The following TMTC2 variants were observed in gnomAD, a reference collection of about 807,000 sequenced individuals.
TMTC2 encodes transmembrane O-mannosyltransferase targeting cadherins 2.
In TMTC2, 43 loss-of-function variants were observed where a neutral mutation model predicts 82.4. The ratio of observed to expected loss-of-function variants is 0.52; its 90% CI spans 0.41 to 0.67. The LOEUF is 0.67. Among genes scored for constraint, TMTC2 ranks in the 30% least tolerant of loss-of-function variants. The probability of loss-of-function intolerance (pLI) is 0.00; values close to 1 mark genes in which losing one functional copy is unlikely to be tolerated. For synonymous variants in TMTC2, 408 were observed against 381.9 expected, an observed-to-expected ratio of 1.07 and a Z score of -0.80; for missense variants, 919 against 1,012.4, an observed-to-expected ratio of 0.91 and a Z score of 1.25.
At chr12:82,830,164 T>C (rs1869670736) in intron 1 of TMTC2, among the ~76,000 whole-genome samples, 2 of 152,216 alleles carry the variant, frequency 1.3e-5, no homozygotes, top group African/African-American at 4.8e-5. Context: ...TTTGTTTGGA[T>C]TTTAAATGTT....
At chr12:82,784,873 T>C (rs961973902) in intron 1 of TMTC2, among the ~76,000 whole-genome samples, 1 of 144,172 alleles carries the variant, frequency 6.9e-6, no homozygotes, top group African/African-American at 2.4e-5. Flanking sequence ...TTTCCTTGCG[T>C]GTGTGTCTTT....
intron 8 of TMTC2, among the ~76,000 whole-genome samples, chr12:83,010,745 G>A (rs1369035): frequency 0.78 from 119,087 of 152,078 alleles, 47,678 homozygotes; most frequent in South Asian, 0.93. Context: ...ACCGATATTC[G>A]TGAGATATGC....
chr12:82,842,228 T>C (rs1227635626), intron 1 of TMTC2, among the ~76,000 whole-genome samples: 1 of 152,220 alleles, frequency 6.6e-6, no homozygotes, highest in Non-Finnish European at 1.5e-5. Flanking sequence ...TGAAGATAAA[T>C]TGAGATAATA....
intron 1 of TMTC2, among the ~76,000 whole-genome samples, chr12:82,715,924 G>A (rs969356776): frequency 7.2e-5 from 11 of 152,168 alleles, no homozygotes; most frequent in Admixed American, 5.2e-4. Context: ...GACAACAGAA[G>A]CAATTACTTC....
chr12:82,904,988 T>C (rs1457847635), intron 3 of TMTC2, among the ~76,000 whole-genome samples: 1 of 151,730 alleles, frequency 6.6e-6, no homozygotes, highest in Non-Finnish European at 1.5e-5. Flanking sequence ...GTTTCTTTTT[T>C]TTTTTTTTTT....
At chr12:82,960,518 G>A (rs71450914) in intron 4 of TMTC2, among the ~76,000 whole-genome samples, 1 of 151,978 alleles carries the variant, frequency 6.6e-6, no homozygotes, top group African/African-American at 2.4e-5. Context: ...GGAGATTAAT[G>A]CAGGAACAGA....
intron 4 of TMTC2, among the ~76,000 whole-genome samples, chr12:82,955,409 T>C (rs1286817041): frequency 6.6e-6 from 1 of 152,192 alleles, no homozygotes; most frequent in Admixed American, 6.5e-5. Context: ...CCACTGTTAT[T>C]GTGGGTTTGA....
At chr12:83,078,498 A>C (rs1317765579) in intron 11 of TMTC2, among the ~76,000 whole-genome samples, 2 of 152,182 alleles carry the variant, frequency 1.3e-5, no homozygotes, top group African/African-American at 4.8e-5. Context: ...GAGGGAAAAA[A>C]TATGTGCTGC....
At chr12:82,911,215 G>C (rs529266689) in intron 3 of TMTC2, among the ~76,000 whole-genome samples, 1 of 151,926 alleles carries the variant, frequency 6.6e-6, no homozygotes, top group Non-Finnish European at 1.5e-5. Flanking sequence ...GTTTGGGTGT[G>C]GGGGGGCCAG....
intron 10 of TMTC2, among the ~76,000 whole-genome samples, chr12:83,053,620 G>A (rs1882431486): frequency 6.6e-6 from 1 of 152,018 alleles, no homozygotes. Flanking sequence ...CCATCAAGGG[G>A]CAAATCTTTA....
At chr12:82,792,726 C>T (rs1878530106) in intron 1 of TMTC2, among the ~76,000 whole-genome samples, 1 of 152,072 alleles carries the variant, frequency 6.6e-6, no homozygotes, top group African/African-American at 2.4e-5. Context: ...CCACCTTAGC[C>T]TCTCAAAGTG....
chr12:82,920,465 T>G (rs79598083), intron 3 of TMTC2, among the ~76,000 whole-genome samples: 46 of 152,292 alleles, frequency 3.0e-4, no homozygotes, highest in African/African-American at 1.1e-3. Flanking sequence ...CTTCTGCCTT[T>G]CAAAGAACAT....
At chr12:82,877,055 T>C (rs1872618103) in intron 2 of TMTC2, among the ~76,000 whole-genome samples, 1 of 119,592 alleles carries the variant, frequency 8.4e-6, no homozygotes, top group Non-Finnish European at 1.7e-5. Flanking sequence ...CTGTGGTTAC[T>C]AATTTTTTTT....
intron 1 of TMTC2, among the ~76,000 whole-genome samples, chr12:82,778,848 C>CAAAAA (rs56354957): frequency 5.1e-4 from 12 of 23,448 alleles, no homozygotes; most frequent in Admixed American, 1.7e-3. Context: ...GACTCCGTCT[C>CAAAAA]AAAAAAAAAA....
intron 4 of TMTC2, among the ~76,000 whole-genome samples, chr12:82,963,138 A>G (rs949592219): frequency 2.0e-5 from 3 of 152,034 alleles, no homozygotes; most frequent in Admixed American, 6.6e-5. Context: ...GGCATTGGTC[A>G]TATACACCAC....
chr12:83,012,324 G>A lies in TMTC2; in HGVS notation c.2071-18474G>A, dbSNP rs140933151. ...GTTTGAAGGGATAAATGGCAAAGGTGAAGTTTTACACAACTAATTAGACAA... is the reference window on the plus strand; with the variant it reads ...GTTTGAAGGGATAAATGGCAAAGGTAAAGTTTTACACAACTAATTAGACAA... On this transcript the variant is annotated intron_variant, in intron 8 of 11. Transcript: ENST00000321196. Among the ~76,000 whole-genome samples, 173 of 152,228 alleles carry A rather than the reference G, an allele frequency of 1.1e-3. 1 individual carries two copies. Among genetic ancestry groups the A allele is most frequent in the African/African-American group, 4.0e-3 (168 of 41,560 alleles).
At chr12:82,941,199 A>G (rs142357604) in intron 4 of TMTC2, among the ~76,000 whole-genome samples, 2 of 152,248 alleles carry the variant, frequency 1.3e-5, no homozygotes, top group East Asian at 1.9e-4. Flanking sequence ...TTTTTAAAAG[A>G]TGGGATCTCA....
chr12:82,688,320 T>A, intron 1 of TMTC2, among the ~76,000 whole-genome samples: 1 of 152,100 alleles, frequency 6.6e-6, no homozygotes, highest in East Asian at 1.9e-4. Flanking sequence ...TGTTTGGGAG[T>A]TGTACATTAG....
intron 4 of TMTC2, among the ~76,000 whole-genome samples, chr12:82,953,108 C>G (rs1400406913): frequency 6.6e-6 from 1 of 152,096 alleles, no homozygotes; most frequent in Non-Finnish European, 1.5e-5. Flanking sequence ...ACCACTACCT[C>G]CCTCAACACA....
Sources: gnomAD v4.1 joint callset for allele counts (sites outside exome capture counted in the v4.1 genomes callset) on GRCh38, gnomAD v4.1.1 for gene constraint, MANE v1.5 for transcripts, NCBI Gene and HGNC (gene_info 2026-07-23, HGNC 2026-07-21) for gene names.